MCM4: variants seen among roughly 807,000 people sequenced by gnomAD.
The protein encoded by MCM4 is DNA replication licensing factor MCM4.
A neutral mutation model predicts 88.7 loss-of-function variants in MCM4; 60 were observed. That is an observed-to-expected ratio of 0.68 (90% CI 0.55 to 0.84). The LOEUF is 0.84. Ranked by LOEUF, MCM4 falls within the 40% of genes least tolerant of loss-of-function variation. The pLI is 0.00. For synonymous variants in MCM4, 465 were observed against 410.5 expected, an observed-to-expected ratio of 1.13 and a Z score of -1.61; for missense variants, 1,149 against 1,105.5, an observed-to-expected ratio of 1.04 and a Z score of -0.56.
intron 10 of MCM4, chr8:47,969,335 C>T (rs769912535): frequency 1.9e-5 from 3 of 160,280 alleles, no homozygotes; most frequent in Non-Finnish European, 4.1e-5. Context: ...CTTGGCTCAC[C>T]GCAACCTCCG....
intron 8 of MCM4, among the ~76,000 whole-genome samples, chr8:47,965,395 G>C (rs904489591): frequency 1.3e-5 from 2 of 152,084 alleles, no homozygotes; most frequent in African/African-American, 4.8e-5. Flanking sequence ...ACTTGAGCCT[G>C]GCAGGTTGAG....
rs752413343 is a variant in MCM4 at position 47,970,781 on chromosome 8, G to T, written c.1705G>T (p.Gly569Cys). Residue 569 changes from glycine to cysteine, a missense_variant, in exon 12 of 17, where the codon GGC becomes TGC. By Grantham distance (159) the Gly-to-Cys change is radical (BLOSUM62 -3). Coordinates refer to ENST00000649973, the MANE Select transcript of MCM4 (RefSeq NM_182746.3). The part of the protein sequence containing the change: ...QTGALVLSDN[G>C]ICCIDEFDKM... ...AGGTGCTCTTGTCCTGAGTGACAACGGCATCTGCTGTATCGATGAGTTCGA... is the reference window on the plus strand; with the variant it reads ...AGGTGCTCTTGTCCTGAGTGACAACTGCATCTGCTGTATCGATGAGTTCGA... 1.9e-6 allele frequency: 3 copies of T among 1,614,160 alleles called. No homozygotes were observed. Among genetic ancestry groups the T allele is most frequent in the Non-Finnish European group, 2.5e-6 (3 of 1,180,030 alleles).
intron 7 of MCM4, 131 bp downstream of exon 7, chr8:47,963,171 G>T (rs1283028968): frequency 6.8e-6 from 4 of 589,098 alleles, no homozygotes; most frequent in Non-Finnish European, 1.2e-5. Flanking sequence ...CATCTCCTTT[G>T]GCCCGGTGTG....
At chr8:47,965,363 G>A (rs889641254) in intron 8 of MCM4, among the ~76,000 whole-genome samples, 3 of 152,172 alleles carry the variant, frequency 2.0e-5, no homozygotes, top group African/African-American at 7.2e-5. Flanking sequence ...CTAGCACTCT[G>A]GGAGGCTGAG....
chr8:47,971,375 C>G lies in MCM4; in HGVS notation c.1835C>G (p.Ser612Cys). The G allele has an allele frequency of 1.2e-6, 2 of 1,614,184 alleles. No individual in the cohort carries two copies. Among genetic ancestry groups the G allele is most frequent in the Non-Finnish European group, 1.7e-6 (2 of 1,180,028 alleles). ...ATCTGTCAGCTCAATGCGCGCACCT[C>G]TGTCCTGGCAGCAGCAAATCCCATT... ...GIICQLNART[S>C]VLAAANPIES... The change falls in exon 13 of 17, where the codon TCT becomes TGT. Residue 612 changes from serine (S) to cysteine (C), a missense_variant. By Grantham distance (112) the Ser-to-Cys change is moderately radical. Transcript: ENST00000649973.
chr8:47,975,301 G>A (rs949487157), intron 15 of MCM4: 3 of 208,130 alleles, frequency 1.4e-5, no homozygotes, highest in South Asian at 7.3e-5. Flanking sequence ...TTAACATTAC[G>A]TGTATCTCCA....
chr8:47,972,848 T>C lies in MCM4; in HGVS notation c.1929-9T>C, dbSNP rs769428921. ...CTGGAAAAACAGTATTTTTACTTTG[T>C]TTTCTTAGGTTTGATTTGATCTTCC... is the stretch of plus-strand genomic sequence containing the variant. On this transcript the variant is annotated splice_polypyrimidine_tract_variant and intron_variant, in intron 13 of 16. Transcript: ENST00000649973. 28 of 1,613,106 alleles carry C rather than the reference T, an allele frequency of 1.7e-5. No homozygotes were observed. Among genetic ancestry groups the C allele is most frequent in the African/African-American group, 2.7e-5 (2 of 74,900 alleles).
At chr8:47,967,901 T>A (rs1395502489) in intron 10 of MCM4, among the ~76,000 whole-genome samples, 1 of 152,218 alleles carries the variant, frequency 6.6e-6, no homozygotes, top group Admixed American at 6.5e-5. Context: ...AATTTTTACT[T>A]AATTTCCCAA....
rs757678224 is a variant in MCM4, at chr8:47,964,708, A to T, written c.828A>T (p.Pro276=). 6.4e-7 allele frequency: 1 copy of T among 1,551,032 alleles called. No individual in the cohort carries two copies. The highest frequency in any genetic ancestry group is 1.4e-5 in the African/African-American group (1 of 72,332). The change falls in exon 8 of 17, where the codon CCA becomes CCT. Residue 276 remains proline, a synonymous_variant. Coordinates refer to ENST00000649973, the MANE Select transcript of MCM4 (RefSeq NM_182746.3). ...LKTKNMRNLN[P]EDIDQLITIS... Reference sequence around the variant, plus strand: ...CTAAGAATATGAGAAACCTGAATCCAGAAGGTAATGTATTTTTCATAGGAT... The same window carrying T: ...CTAAGAATATGAGAAACCTGAATCCTGAAGGTAATGTATTTTTCATAGGAT...
At position 47,962,112 on chromosome 8, in the gene MCM4, G is replaced by A. The variant is rs754456119; in HGVS notation, c.295G>A (p.Val99Ile). 5.0e-6 allele frequency: 8 copies of A among 1,614,182 alleles called. No homozygotes were observed. The highest frequency in any genetic ancestry group is 2.2e-5 in the East Asian group (1 of 44,894). ...GACATACGGCACTCCCAGCTCTCGG[G>A]TAGAGGGAACCCCAAGAAGTGGTGT... is the stretch of plus-strand genomic sequence containing the variant. Reference protein sequence around the residue: ...PLTYGTPSSRVEGTPRSGVRG... With the variant: ...PLTYGTPSSRIEGTPRSGVRG... Residue 99 changes from valine to isoleucine, a missense_variant, in exon 4 of 17, where the codon GTA becomes ATA. Coordinates refer to ENST00000649973, the MANE Select transcript of MCM4 (RefSeq NM_182746.3).
chr8:47,966,483 T>A (rs1484475390), intron 9 of MCM4, 76 bp downstream of exon 9: 1 of 1,399,500 alleles, frequency 7.1e-7, no homozygotes, highest in African/African-American at 1.4e-5. Context: ...AACTTGTCCC[T>A]CGGACCCTGA....
intron 7 of MCM4, among the ~76,000 whole-genome samples, chr8:47,963,663 G>C (rs928563830): frequency 6.6e-6 from 1 of 152,182 alleles, no homozygotes; most frequent in Non-Finnish European, 1.5e-5. Flanking sequence ...TACTTTAAAT[G>C]AATTACATAC....
intron 2 of MCM4, 32 bp from the exon 3 acceptor site, chr8:47,961,484 A>G (rs2090833371): frequency 6.2e-7 from 1 of 1,613,058 alleles, no homozygotes; most frequent in South Asian, 1.1e-5. Flanking sequence ...CTGAAAGTTA[A>G]TGGCTGTCTT....
At position 47,976,895 on chromosome 8, in the gene MCM4, C is replaced by G. The variant is rs2091006377; in HGVS notation, c.*117C>G. On this transcript the variant is annotated 3_prime_UTR_variant, in exon 17 of 17. Transcript: ENST00000649973. ...AATAGAGCTTAAAGTCATGGTTTGG[C>G]TGCATAAAAATTTTCTAACTTGGGT... 3.2e-6 allele frequency: 2 copies of G among 618,372 alleles called. No homozygotes were observed. Among genetic ancestry groups the G allele is most frequent in the African/African-American group, 1.8e-5 (1 of 54,240 alleles). The allele number at this position is 618,372 out of a possible 1,614,324, so 38.3% of individuals were successfully genotyped here.
At position 47,972,995 on chromosome 8, in the gene MCM4, CTA is replaced by C; in HGVS notation, c.2068_2069del (p.Tyr690HisfsTer14). The C allele has an allele frequency of 6.2e-7, 1 of 1,614,154 alleles. No homozygotes were observed. The highest frequency in any genetic ancestry group is 8.5e-7 in the Non-Finnish European group (1 of 1,180,028). On this transcript the variant is annotated frameshift_variant, in exon 14 of 17. Transcript: ENST00000649973. LOFTEE classifies it high-confidence loss of function. Reference sequence around the variant, plus strand: ...TCCTGGACATGGCGGTGCTAAAGGACTACATTGCCTACGCGCACAGCACCATC... The same window carrying C: ...TCCTGGACATGGCGGTGCTAAAGGACCATTGCCTACGCGCACAGCACCATC... Reference protein sequence around the residue: ...ELLDMAVLKDYIAYAHSTIMP... With the variant: ...ELLDMAVLKDXIAYAHSTIMP...
intron 13 of MCM4, 71 bp downstream of exon 13, chr8:47,971,539 A>G: frequency 6.6e-7 from 1 of 1,525,858 alleles, no homozygotes; most frequent in South Asian, 1.1e-5. Flanking sequence ...AGCTACTAAG[A>G]TTTCAGCAAC....
rs1183283519 is a variant in MCM4 at position 47,961,667 on chromosome 8, A to G, written c.222A>G (p.Gln74=). ...AQDVLFSSPP[Q]MHSSAIPLDF... ...ACGTGCTGTTTTCCAGCCCTCCCCAAATGCATTCTTCAGGTGCGTGTCTGA... is the reference window on the plus strand; with the variant it reads ...ACGTGCTGTTTTCCAGCCCTCCCCAGATGCATTCTTCAGGTGCGTGTCTGA... The change falls in exon 3 of 17, where the codon CAA becomes CAG. Residue 74 remains glutamine, a synonymous_variant. Transcript: ENST00000649973. 4.3e-6 allele frequency: 7 copies of G among 1,609,870 alleles called. No individual in the cohort carries two copies. Among genetic ancestry groups the G allele is most frequent in the Non-Finnish European group, 4.2e-6 (5 of 1,177,348 alleles).
chr8:47,964,730 G>A lies in MCM4; in HGVS notation c.832+18G>A. On this transcript the variant is annotated intron_variant, in intron 8 of 16. Coordinates refer to ENST00000649973, the MANE Select transcript of MCM4 (RefSeq NM_182746.3). ...TCCAGAAGGTAATGTATTTTTCATAGGATTACTTTTGTTGAAGGAAAATGC... is the reference window on the plus strand; with the variant it reads ...TCCAGAAGGTAATGTATTTTTCATAAGATTACTTTTGTTGAAGGAAAATGC... 5 of 1,522,432 alleles carry A rather than the reference G, an allele frequency of 3.3e-6. No homozygotes were observed. Among genetic ancestry groups the A allele is most frequent in the Admixed American group, 2.4e-5 (1 of 42,322 alleles). 94.3% of individuals were successfully genotyped at this position (1,522,432 alleles called of 1,614,324 possible).
In MCM4 at chr8:47,961,752, G is replaced by T. The variant is rs1313766807; in HGVS notation, c.235+72G>T. The T allele has an allele frequency of 7.9e-6, 12 of 1,516,738 alleles. No individual in the cohort carries two copies. The East Asian group carries it at 2.5e-4, about 31-fold the overall frequency. 94.0% of individuals were successfully genotyped at this position (1,516,738 alleles called of 1,614,324 possible). A position where few individuals can be genotyped will look rare whatever the true frequency, so the allele number is the denominator to read the frequency against. On this transcript the variant is annotated intron_variant, in intron 3 of 16. Coordinates refer to ENST00000649973, the MANE Select transcript of MCM4 (RefSeq NM_182746.3). ...ATGCTTTATCTGCTCAGGTTTACTG[G>T]CTTTATAACAGTTGGCATAACGCCT...
Sources: gnomAD v4.1 joint callset for allele counts (sites outside exome capture counted in the v4.1 genomes callset) on GRCh38, gnomAD v4.1.1 for gene constraint, MANE v1.5 for transcripts, NCBI Gene and HGNC (gene_info 2026-07-23, HGNC 2026-07-21) for gene names.